OSBPL6: variants seen among roughly 807,000 people sequenced by gnomAD.
The protein encoded by OSBPL6 is oxysterol-binding protein-related protein 6.
Under a neutral mutation model 125.8 loss-of-function variants are expected in OSBPL6, and 49 were observed. The observed-to-expected ratio is 0.39, with a 90% CI of 0.31 to 0.49. The LOEUF is 0.49. Among genes scored for constraint, OSBPL6 ranks in the 20% least tolerant of loss-of-function variants. The pLI is 0.88. For missense variants in OSBPL6, 986 were observed against 1,135.4 expected (o/e 0.87, Z 1.89); for synonymous variants, 394 against 391.8 (o/e 1.01, Z -0.07).
intron 22 of OSBPL6, 71 bp downstream of exon 22, chr2:178,391,288 C>T: frequency 7.0e-7 from 1 of 1,429,896 alleles, no homozygotes; most frequent in Non-Finnish European, 9.3e-7. Context: ...AACATCAGGT[C>T]ATCTTATGCA....
In OSBPL6 at chr2:178,211,591, T is replaced by C. The variant is rs112350821; in HGVS notation, c.-351+16917T>C. Among the ~76,000 whole-genome samples, 1,141 of 152,252 alleles carry C rather than the reference T, an allele frequency of 7.5e-3. 15 individuals are homozygous for C. The highest frequency in any genetic ancestry group is 0.025 in the African/African-American group (1,053 of 41,552). On this transcript the variant is annotated intron_variant, in intron 1 of 24. Coordinates refer to ENST00000190611, the MANE Select transcript of OSBPL6 (RefSeq NM_032523.4). ...CAGATGCCATTTTGATAGGGATGCC[T>C]TACCCTCCTCTGTCTCTGCAGCCCT... is the stretch of plus-strand genomic sequence containing the variant.
chr2:178,382,165 C>A (rs911573542), intron 15 of OSBPL6, among the ~76,000 whole-genome samples: 3 of 152,176 alleles, frequency 2.0e-5, no homozygotes, highest in Admixed American at 2.0e-4. Flanking sequence ...TAAAATATTT[C>A]TGGTTCTTTA....
At chr2:178,259,390 C>T (rs334009) in intron 1 of OSBPL6, among the ~76,000 whole-genome samples, 97,053 of 152,020 alleles carry the variant, frequency 0.64, 33,196 homozygotes, top group African/African-American at 0.9. Context: ...TCATTTTTAA[C>T]GAGATTACTT....
intron 11 of OSBPL6, 40 bp downstream of exon 11, chr2:178,339,804 T>G (rs543073543): frequency 1.3e-6 from 2 of 1,481,656 alleles, no homozygotes; most frequent in South Asian, 1.3e-5. Context: ...TTTCTACATA[T>G]TTTTAAAGTA....
chr2:178,298,282 A>G (rs900237079), intron 2 of OSBPL6, among the ~76,000 whole-genome samples: 3 of 152,156 alleles, frequency 2.0e-5, no homozygotes, highest in Non-Finnish European at 2.9e-5. Flanking sequence ...TCATTCATTC[A>G]TTGATGGACA....
At chr2:178,326,139 G>T (rs58715987) in intron 4 of OSBPL6, among the ~76,000 whole-genome samples, 152 of 144,178 alleles carry the variant, frequency 1.1e-3, no homozygotes, top group African/African-American at 3.5e-3. Context: ...AGTACACATT[G>T]TCCTGATCAG....
chr2:178,328,158 T>C (rs1688861975), intron 4 of OSBPL6, 98 bp from the exon 5 acceptor site: 4 of 1,502,598 alleles, frequency 2.7e-6, no homozygotes. Flanking sequence ...CTGGTGGGCC[T>C]AGTACTGCTT....
chr2:178,371,009 A>G (rs1043320202), intron 13 of OSBPL6, among the ~76,000 whole-genome samples: 2 of 152,202 alleles, frequency 1.3e-5, no homozygotes, highest in Non-Finnish European at 2.9e-5. Flanking sequence ...ACAGAGTTGT[A>G]ATTATGAGAT....
chr2:178,317,723 G>A lies in OSBPL6; in HGVS notation c.103-6454G>A, dbSNP rs567190939. Among the ~76,000 whole-genome samples the A allele has an allele frequency of 1.7e-3, 253 of 150,828 alleles. 1 individual carries two copies. The highest frequency in any genetic ancestry group is 5.7e-3 in the African/African-American group (236 of 41,132). The stretch of plus-strand genomic sequence containing the variant: ...GAACCTACATAAATATTAAAAAGAT[G>A]TATATGGACTTTTTTTTTTTTGCTT... On this transcript the variant is annotated intron_variant, in intron 3 of 24. Transcript: ENST00000190611.
chr2:178,207,238 G>A (rs193081937), intron 1 of OSBPL6, among the ~76,000 whole-genome samples: 2 of 152,208 alleles, frequency 1.3e-5, no homozygotes, highest in African/African-American at 4.8e-5. Context: ...CTCCTGTTCT[G>A]GTCCTTGGTG....
At chr2:178,326,024 A>T (rs1688667810) in intron 4 of OSBPL6, among the ~76,000 whole-genome samples, 1 of 152,126 alleles carries the variant, frequency 6.6e-6, no homozygotes, top group Non-Finnish European at 1.5e-5. Context: ...TCAGAGGGCC[A>T]TATCTAACCC....
At chr2:178,297,219 T>C (rs147144020) in intron 2 of OSBPL6, among the ~76,000 whole-genome samples, 190 of 152,278 alleles carry the variant, frequency 1.2e-3, no homozygotes, top group African/African-American at 4.4e-3. Context: ...AGTCTTTCTC[T>C]CCAGCTCACT....
At position 178,395,920 on chromosome 2, in the gene OSBPL6, C is replaced by A. The variant is rs1388137324; in HGVS notation, c.*361C>A. Reference sequence around the variant, plus strand: ...TAAAGCTGATCAAGAAAGTTAACAACAACATAGAAACCACACGATTGTTCC... The same window carrying A: ...TAAAGCTGATCAAGAAAGTTAACAAAAACATAGAAACCACACGATTGTTCC... On this transcript the variant is annotated 3_prime_UTR_variant, in exon 25 of 25. Transcript: ENST00000190611. 2 of 396,344 alleles carry A rather than the reference C, an allele frequency of 5.0e-6. No individual in the cohort carries two copies. The highest frequency in any genetic ancestry group is 3.6e-5 in the Admixed American group (1 of 27,852). 24.6% of individuals were successfully genotyped at this position (396,344 alleles called of 1,614,324 possible).
intron 20 of OSBPL6, among the ~76,000 whole-genome samples, chr2:178,388,640 A>G (rs903242458): frequency 2.0e-5 from 3 of 152,052 alleles, no homozygotes; most frequent in African/African-American, 7.3e-5. Context: ...CTTCCTTGAC[A>G]CTCATCCCAC....
At chr2:178,333,870 C>T (rs995171647) in intron 8 of OSBPL6, among the ~76,000 whole-genome samples, 2 of 152,176 alleles carry the variant, frequency 1.3e-5, no homozygotes, top group Admixed American at 1.3e-4. Flanking sequence ...GCATTTGGCA[C>T]TCATTCGTCT....
chr2:178,261,447 T>C (rs2092061403), intron 1 of OSBPL6, among the ~76,000 whole-genome samples: 1 of 149,466 alleles, frequency 6.7e-6, no homozygotes, highest in Non-Finnish European at 1.5e-5. Flanking sequence ...TAAAAAATGA[T>C]TAGTTAGAAA....
At chr2:178,256,123 C>T (rs2091880163) in intron 1 of OSBPL6, among the ~76,000 whole-genome samples, 1 of 152,156 alleles carries the variant, frequency 6.6e-6, no homozygotes, top group African/African-American at 2.4e-5. Context: ...AAGCTTTCTT[C>T]TTTGATGGCA....
At position 178,298,694 on chromosome 2, in the gene OSBPL6, G is replaced by GTTTTTTTT. The variant is rs757606940; in HGVS notation, c.-155-7336_-155-7335insTTTTTTTT. On this transcript the variant is annotated intron_variant, in intron 2 of 24. Transcript: ENST00000190611. ...CACCATGCCCAGCCTATTTTTAGTT[G>GTTTTTTTT]CTTTTTTTTTTGTTTTTTTTTTTTT... is the stretch of plus-strand genomic sequence containing the variant. Among the ~76,000 whole-genome samples the GTTTTTTTT allele has an allele frequency of 1.7e-3, 242 of 139,368 alleles. 2 individuals are homozygous for GTTTTTTTT. Among genetic ancestry groups the GTTTTTTTT allele is most frequent in the African/African-American group, 6.2e-3 (233 of 37,864 alleles). 91.4% of individuals were successfully genotyped at this position (139,368 alleles called of 152,430 possible).
chr2:178,256,087 G>A (rs568013414), intron 1 of OSBPL6, among the ~76,000 whole-genome samples: 2 of 152,288 alleles, frequency 1.3e-5, no homozygotes, highest in South Asian at 4.1e-4. Flanking sequence ...GGATGATCAA[G>A]CATGTGGTTT....
Sources: gnomAD v4.1 joint callset for allele counts (sites outside exome capture counted in the v4.1 genomes callset) on GRCh38, gnomAD v4.1.1 for gene constraint, MANE v1.5 for transcripts, NCBI Gene and HGNC (gene_info 2026-07-23, HGNC 2026-07-21) for gene names.